The following STIMATE variants were observed in gnomAD, a reference collection of about 807,000 sequenced individuals.
STIMATE encodes the protein STIM activating enhancer, also known as store-operated calcium entry regulator STIMATE.
Under a neutral mutation model 36.7 loss-of-function variants are expected in STIMATE, and 15 were observed. That is an observed-to-expected ratio of 0.41 (90% CI 0.27 to 0.63). The LOEUF is 0.63. Among genes scored for constraint, STIMATE ranks in the 20% least tolerant of loss-of-function variants. The pLI is 0.32. For missense variants in STIMATE, 305 were observed against 397.3 expected (o/e 0.77, Z 1.98); for synonymous variants, 163 against 162.3 (o/e 1.00, Z -0.03).
At chr3:52,863,566 T>G (rs1373052437) in intron 1 of STIMATE, among the ~76,000 whole-genome samples, 2 of 150,766 alleles carry the variant, frequency 1.3e-5, no homozygotes, top group Non-Finnish European at 3.0e-5. Context: ...TCTCATGTCC[T>G]CACATTTCAA....
intron 1 of STIMATE, among the ~76,000 whole-genome samples, chr3:52,871,609 G>A (rs1701408927): frequency 6.6e-6 from 1 of 152,010 alleles, no homozygotes; most frequent in Non-Finnish European, 1.5e-5. Flanking sequence ...TAAATAAGAT[G>A]GGATTATTAT....
At chr3:52,859,842 G>C (rs1388613800) in intron 1 of STIMATE, among the ~76,000 whole-genome samples, 1 of 152,066 alleles carries the variant, frequency 6.6e-6, no homozygotes, top group Non-Finnish European at 1.5e-5. Flanking sequence ...GGGAGAATCA[G>C]CGTGACCTAC....
intron 4 of STIMATE, 146 bp downstream of exon 4, chr3:52,849,646 C>A (rs1700964549): frequency 7.2e-7 from 1 of 1,397,770 alleles, no homozygotes; most frequent in Non-Finnish European, 9.3e-7. Flanking sequence ...TGCTCAAACC[C>A]AGAACAGCCC....
chr3:52,852,821 T>G, intron 2 of STIMATE, 123 bp from the exon 3 acceptor site: 1 of 1,191,070 alleles, frequency 8.4e-7, no homozygotes, highest in Non-Finnish European at 1.2e-6. Context: ...GGTTATCTCT[T>G]CCTGGGGCCT....
At position 52,878,394 on chromosome 3, in the gene STIMATE, C is replaced by T. The variant is rs79350869; in HGVS notation, c.160+18897G>A. On this transcript the variant is annotated intron_variant, in intron 1 of 7. Coordinates refer to ENST00000355083, the MANE Select transcript of STIMATE (RefSeq NM_198563.5). ...ACCTCTGCTCCCGGGCCTAGGAACCCTATGGTCCAGGCTGTATCACCTCTT... is the reference window on the plus strand; with the variant it reads ...ACCTCTGCTCCCGGGCCTAGGAACCTTATGGTCCAGGCTGTATCACCTCTT... Among the ~76,000 whole-genome samples the T allele has an allele frequency of 1.5e-3, 234 of 152,060 alleles. 6 individuals carry two copies. In the East Asian group the frequency reaches 0.043, roughly 28 times the overall value.
chr3:52,890,164 T>C (rs932267014), intron 1 of STIMATE, among the ~76,000 whole-genome samples: 2 of 152,206 alleles, frequency 1.3e-5, no homozygotes, highest in Admixed American at 6.5e-5. Context: ...CTTCACGCTA[T>C]ACTGGAATTG....
chr3:52,874,417 C>A (rs1333732442), intron 1 of STIMATE, among the ~76,000 whole-genome samples: 2 of 152,198 alleles, frequency 1.3e-5, no homozygotes, highest in Non-Finnish European at 2.9e-5. Flanking sequence ...CACACACACA[C>A]AGAAATTCAG....
intron 1 of STIMATE, among the ~76,000 whole-genome samples, chr3:52,875,682 A>G (rs970352361): frequency 1.6e-4 from 25 of 152,234 alleles, no homozygotes; most frequent in African/African-American, 5.5e-4. Flanking sequence ...AGTTAAGTCC[A>G]GAAGCCAAAG....
intron 1 of STIMATE, among the ~76,000 whole-genome samples, chr3:52,896,331 ACT>A (rs1701864253): frequency 6.6e-6 from 1 of 151,852 alleles, no homozygotes; most frequent in Admixed American, 6.6e-5. Flanking sequence ...GGAATTAATG[ACT>A]CTGCACAGAT....
At chr3:52,897,193 C>A in intron 1 of STIMATE, 98 bp downstream of exon 1, 2 of 1,446,872 alleles carry the variant, frequency 1.4e-6, no homozygotes, top group Non-Finnish European at 9.1e-7. Flanking sequence ...CAATTCGGGT[C>A]CCAAGGCCTG....
chr3:52,855,320 C>T, intron 2 of STIMATE, 76 bp downstream of exon 2: 1 of 1,560,656 alleles, frequency 6.4e-7, no homozygotes, highest in Middle Eastern at 1.7e-4. Context: ...ACTCCAACAC[C>T]ATACCCCACC....
chr3:52,873,478 T>C (rs4687681), intron 1 of STIMATE, among the ~76,000 whole-genome samples: 145,295 of 152,268 alleles, frequency 0.95, 69,693 homozygotes, highest in Middle Eastern at 1. Context: ...ACTTGGTAAG[T>C]GTGGGGAAGT....
At chr3:52,882,220 G>A (rs1484230710) in intron 1 of STIMATE, among the ~76,000 whole-genome samples, 1 of 152,180 alleles carries the variant, frequency 6.6e-6, no homozygotes, top group East Asian at 1.9e-4. Flanking sequence ...AAGACATGAC[G>A]GCTGGCTCTC....
intron 4 of STIMATE, chr3:52,848,281 C>G (rs1456534137): frequency 6.6e-6 from 1 of 152,326 alleles, no homozygotes; most frequent in Non-Finnish European, 1.5e-5. Flanking sequence ...CTCCCAAAGG[C>G]AGTGGTGGGA....
intron 1 of STIMATE, among the ~76,000 whole-genome samples, chr3:52,863,549 C>T (rs1426451642): frequency 6.6e-6 from 1 of 152,156 alleles, no homozygotes; most frequent in African/African-American, 2.4e-5. Context: ...GCCACTGGCC[C>T]TTCAAATCTC....
chr3:52,839,958 C>G lies in STIMATE; in HGVS notation c.*536G>C, dbSNP rs1027035140. 2.6e-5 allele frequency: 4 copies of G among 152,656 alleles called. No individual in the cohort carries two copies. The highest frequency in any genetic ancestry group is 4.4e-5 in the Non-Finnish European group (3 of 68,046). 9.5% of individuals were successfully genotyped at this position (152,656 alleles called of 1,614,324 possible). ...GTAGGAAATAAACACATACCCCCAA[C>G]CTGGTAACACTGTCACAACTCATAA... On this transcript the variant is annotated 3_prime_UTR_variant, in exon 8 of 8. Transcript: ENST00000355083.
intron 1 of STIMATE, among the ~76,000 whole-genome samples, chr3:52,893,139 T>C (rs1030838072): frequency 6.6e-6 from 1 of 152,182 alleles, no homozygotes; most frequent in Non-Finnish European, 1.5e-5. Flanking sequence ...CGTGTGGACC[T>C]TGATTGGATC....
chr3:52,860,126 T>A (rs1413856580), intron 1 of STIMATE, among the ~76,000 whole-genome samples: 1 of 135,456 alleles, frequency 7.4e-6, no homozygotes, highest in African/African-American at 2.8e-5. Flanking sequence ...GTAAAGGGGG[T>A]AAAAAAAAAA....
chr3:52,842,752 G>A, intron 7 of STIMATE, 59 bp downstream of exon 7: 1 of 1,607,844 alleles, frequency 6.2e-7, no homozygotes, highest in Non-Finnish European at 8.5e-7. Flanking sequence ...TGAGACCAGA[G>A]ACCCCCTTGG....
Sources: allele counts gnomAD v4.1 joint callset (sites outside exome capture counted in the v4.1 genomes callset), GRCh38; gene constraint gnomAD v4.1.1; transcripts MANE v1.5; gene names NCBI Gene and HGNC (gene_info 2026-07-23, HGNC 2026-07-21).